TNRC6A: variants seen among roughly 807,000 people sequenced by gnomAD.
The protein encoded by TNRC6A is trinucleotide repeat containing adaptor 6A.
A neutral mutation model predicts 221.2 loss-of-function variants in TNRC6A; 44 were observed. The observed-to-expected ratio is 0.20, with a 90% CI of 0.16 to 0.26. The LOEUF is 0.26. Among genes scored for constraint, TNRC6A ranks in the 10% least tolerant of loss-of-function variants. TNRC6A has a pLI of 1.00. For synonymous variants in TNRC6A, 847 were observed against 838.5 expected (o/e 1.01, Z -0.18); for missense variants, 2,199 against 2,404.4 (o/e 0.91, Z 1.79).
intron 2 of TNRC6A, among the ~76,000 whole-genome samples, chr16:24,699,972 T>C (rs1000479364): frequency 6.6e-6 from 1 of 152,142 alleles, no homozygotes; most frequent in African/African-American, 2.4e-5. Context: ...CTAGCTCTGA[T>C]GCCAAAGGCT....
rs574804099 is a variant in TNRC6A at position 24,806,247 on chromosome 16, C to A, written c.4293C>A (p.Ser1431Arg). ...AGCAAAGGGCGCAGAGTCAGAGAAG[C>A]GTGCCTTCTGGGAACCGGCCGCAGC... ...AQQQRAQSQR[S>R]VPSGNRPQQD... Residue 1431 changes from serine (S) to arginine (R), a missense_variant, in exon 16 of 25, where the codon AGC becomes AGA. Physicochemically the swap from Ser to Arg is moderately radical, Grantham distance 110. Coordinates refer to ENST00000395799, the MANE Select transcript of TNRC6A (RefSeq NM_014494.4). The A allele has an allele frequency of 1.1e-5, 18 of 1,614,082 alleles. No individual in the cohort carries two copies. Among genetic ancestry groups the A allele is most frequent in the Non-Finnish European group, 1.5e-5 (18 of 1,180,052 alleles).
At chr16:24,721,309 CAA>C (rs2056406594) in intron 2 of TNRC6A, among the ~76,000 whole-genome samples, 1 of 152,136 alleles carries the variant, frequency 6.6e-6, no homozygotes, top group Non-Finnish European at 1.5e-5. Context: ...TAGACTTGTA[CAA>C]AAACTGTTCA....
At chr16:24,805,838 A>G in intron 15 of TNRC6A, 105 bp downstream of exon 15, 1 of 1,418,230 alleles carries the variant, frequency 7.1e-7, no homozygotes, top group Non-Finnish European at 9.8e-7. Context: ...AAACAGGCGT[A>G]GTCATAGTCC....
chr16:24,677,148 C>G (rs935022874), intron 2 of TNRC6A, among the ~76,000 whole-genome samples: 105 of 151,158 alleles, frequency 6.9e-4, no homozygotes, highest in Non-Finnish European at 1.0e-3. Flanking sequence ...TTTCCTGTCC[C>G]GTTTCCTTTT....
chr16:24,778,426 C>T, intron 5 of TNRC6A: 1 of 985,414 alleles, frequency 1.0e-6, no homozygotes, highest in Non-Finnish European at 1.2e-6. Context: ...TGTGCTTTGG[C>T]AACATACAGG....
chr16:24,702,325 A>G (rs951020992), intron 2 of TNRC6A, among the ~76,000 whole-genome samples: 1 of 151,522 alleles, frequency 6.6e-6, no homozygotes. Flanking sequence ...CTTCAGGCAC[A>G]TGCCACCATG....
At chr16:24,674,694 CCACA>C (rs3219528) in intron 2 of TNRC6A, among the ~76,000 whole-genome samples, 40,900 of 146,020 alleles carry the variant, frequency 0.28, 5,842 homozygotes, top group Non-Finnish European at 0.34. Context: ...ACTGCCCCCA[CCACA>C]CACACACACA....
rs749725473 is a variant in TNRC6A at position 24,790,336 on chromosome 16, T to G, written c.1694T>G (p.Val565Gly). Residue 565 changes from valine (V) to glycine (G), a missense_variant, in exon 6 of 25, where the codon GTT becomes GGT. Transcript: ENST00000395799. Reference sequence around the variant, plus strand: ...GGTCCTATGGGCACTAACTTTCAAGTTAACACAAACAAAGGAGGTGGTGTG... The same window carrying G: ...GGTCCTATGGGCACTAACTTTCAAGGTAACACAAACAAAGGAGGTGGTGTG... ...VNGPMGTNFQ[V>G]NTNKGGGVWE... 1 of 1,614,216 alleles carries G rather than the reference T, an allele frequency of 6.2e-7. No homozygotes were observed. The highest frequency in any genetic ancestry group is 8.5e-7 in the Non-Finnish European group (1 of 1,180,044).
At chr16:24,761,015 T>A (rs985405132) in intron 4 of TNRC6A, among the ~76,000 whole-genome samples, 3 of 152,230 alleles carry the variant, frequency 2.0e-5, no homozygotes, top group African/African-American at 7.2e-5. Context: ...CATTTTAAAA[T>A]GACTGCCAAC....
At chr16:24,682,080 A>T (rs2055543079) in intron 2 of TNRC6A, among the ~76,000 whole-genome samples, 1 of 151,998 alleles carries the variant, frequency 6.6e-6, no homozygotes, top group African/African-American at 2.4e-5. Context: ...TGTACGGGGG[A>T]ATTGGAGAGT....
upstream of TNRC6A, among the ~76,000 whole-genome samples, chr16:24,727,023 ATCT>A (rs1164566790): frequency 1.3e-5 from 2 of 148,686 alleles, no homozygotes; most frequent in Non-Finnish European, 3.0e-5. Context: ...TGGAAATCAC[ATCT>A]TTTTTTTTTT....
intron 2 of TNRC6A, among the ~76,000 whole-genome samples, chr16:24,745,084 C>A (rs2056975042): frequency 6.6e-6 from 1 of 152,178 alleles, no homozygotes; most frequent in East Asian, 1.9e-4. Context: ...TTGTAAATAG[C>A]ATGTTCCCCA....
chr16:24,669,941 C>CTTCTTTTTTTTTTTTTTTTTTTT (rs2055256539), intron 2 of TNRC6A, among the ~76,000 whole-genome samples: 1 of 27,162 alleles, frequency 3.7e-5, no homozygotes, highest in Non-Finnish European at 6.6e-5. Context: ...GAGGCAGCTA[C>CTTCTTTTTTTTTTTTTTTTTTTT]TTTTTTTTTT....
intron 2 of TNRC6A, among the ~76,000 whole-genome samples, chr16:24,692,551 C>T: frequency 6.6e-6 from 1 of 151,952 alleles, no homozygotes; most frequent in East Asian, 1.9e-4. Context: ...GCCTGGGCGA[C>T]AGCGTGAACC....
chr16:24,742,300 T>A (rs1567412202), intron 2 of TNRC6A, among the ~76,000 whole-genome samples: 1 of 152,224 alleles, frequency 6.6e-6, no homozygotes, highest in Non-Finnish European at 1.5e-5. Context: ...CACACGTAGA[T>A]GGTGGAATTG....
chr16:24,661,310 A>G (rs1180557559), intron 2 of TNRC6A: 2 of 151,714 alleles, frequency 1.3e-5, no homozygotes, highest in Non-Finnish European at 2.9e-5. Context: ...TTTTAATTTC[A>G]GTTTTCCTAA....
intron 18 of TNRC6A, among the ~76,000 whole-genome samples, chr16:24,814,652 A>C (rs1243119654): frequency 6.6e-6 from 1 of 152,004 alleles, no homozygotes; most frequent in Non-Finnish European, 1.5e-5. Context: ...TGACCTCGTG[A>C]TCTGCCTGCC....
chr16:24,652,383 T>C (rs1424276862), intron 2 of TNRC6A, among the ~76,000 whole-genome samples: 3 of 152,202 alleles, frequency 2.0e-5, no homozygotes, highest in Non-Finnish European at 4.4e-5. Flanking sequence ...ACAGAAATTA[T>C]ATGGTGGCCT....
rs2058069494 is a variant in TNRC6A, at chr16:24,790,253, T to C, written c.1611T>C (p.Pro537=). The stretch of plus-strand genomic sequence containing the variant: ...ACTCTGGAGACAAATGTTCAGGCCC[T>C]AATGGCCAAGCTAATGGTGACACTG... ...SNYSGDKCSG[P]NGQANGDTVN... Residue 537 remains proline (P), a synonymous_variant, in exon 6 of 25, where the codon CCT becomes CCC. Transcript: ENST00000395799. The C allele has an allele frequency of 6.2e-7, 1 of 1,614,232 alleles. No homozygotes were observed. The highest frequency in any genetic ancestry group is 1.3e-5 in the African/African-American group (1 of 75,068).
Sources: allele counts gnomAD v4.1 joint callset (sites outside exome capture counted in the v4.1 genomes callset), GRCh38; gene constraint gnomAD v4.1.1; transcripts MANE v1.5; gene names NCBI Gene and HGNC (gene_info 2026-07-23, HGNC 2026-07-21).